Variants in DLGAP1 observed in about 807,000 individuals in gnomAD.
The protein encoded by DLGAP1 is DLG associated protein 1.
Under a neutral mutation model 90.8 loss-of-function variants are expected in DLGAP1, and 11 were observed. The ratio of observed to expected loss-of-function variants is 0.12; its 90% CI spans 0.08 to 0.20. The LOEUF (loss-of-function observed/expected upper bound fraction) is 0.20, where lower values mean the gene tolerates loss of function less well. DLGAP1 is among the 10% of genes least tolerant of loss of function. The pLI is 1.00. For synonymous variants in DLGAP1, 558 were observed against 540.7 expected (o/e 1.03, Z -0.44); for missense variants, 1,050 against 1,333.8 (o/e 0.79, Z 3.31).
chr18:4,050,393 T>C (rs2143059462), intron 2 of DLGAP1, among the ~76,000 whole-genome samples: 1 of 152,362 alleles, frequency 6.6e-6, no homozygotes, highest in Non-Finnish European at 1.5e-5. Flanking sequence ...CAGATATTAT[T>C]TGTTCTTCAG....
intron 1 of DLGAP1, chr18:4,280,887 T>C (rs1330025234): frequency 6.6e-6 from 1 of 152,252 alleles, no homozygotes; most frequent in African/African-American, 2.4e-5. Flanking sequence ...TTTTATGCTG[T>C]TGTTACTAAT....
intron 4 of DLGAP1, among the ~76,000 whole-genome samples, chr18:3,871,223 C>T: frequency 6.6e-6 from 1 of 152,166 alleles, no homozygotes; most frequent in East Asian, 1.9e-4. Flanking sequence ...TTTCAAAAAA[C>T]TAAATTGGAC....
chr18:3,545,310 G>T (rs1241779238), intron 9 of DLGAP1, among the ~76,000 whole-genome samples: 1 of 151,862 alleles, frequency 6.6e-6, no homozygotes, highest in African/African-American at 2.4e-5. Flanking sequence ...TGGAATCATA[G>T]AAAGATAATT....
chr18:4,102,222 TTAAG>T, intron 2 of DLGAP1, among the ~76,000 whole-genome samples: 1 of 152,224 alleles, frequency 6.6e-6, no homozygotes, highest in Admixed American at 6.5e-5. Flanking sequence ...ATTCTGGTGA[TTAAG>T]TATCTATTGT....
chr18:3,755,628 T>C (rs2063688403), intron 5 of DLGAP1, among the ~76,000 whole-genome samples: 1 of 152,168 alleles, frequency 6.6e-6, no homozygotes, highest in Non-Finnish European at 1.5e-5. Context: ...AATCTTACAA[T>C]TATAAACATA....
chr18:3,624,842 C>T (rs984980376), intron 7 of DLGAP1, among the ~76,000 whole-genome samples: 2 of 152,098 alleles, frequency 1.3e-5, no homozygotes, highest in Non-Finnish European at 1.5e-5. Flanking sequence ...CAAGAGCAAA[C>T]TAATCTAAAC....
chr18:3,684,479 T>C (rs749382436), intron 7 of DLGAP1, among the ~76,000 whole-genome samples: 5 of 151,528 alleles, frequency 3.3e-5, no homozygotes, highest in African/African-American at 4.9e-5. Flanking sequence ...GGATGAAAGA[T>C]GTGAGCCACC....
chr18:3,807,315 C>G (rs1407668902), intron 5 of DLGAP1, among the ~76,000 whole-genome samples: 1 of 152,176 alleles, frequency 6.6e-6, no homozygotes, highest in African/African-American at 2.4e-5. Flanking sequence ...TTTTAAATAG[C>G]TCATCACTGC....
At chr18:4,185,757 G>A (rs1183188048) in intron 1 of DLGAP1, among the ~76,000 whole-genome samples, 1 of 152,092 alleles carries the variant, frequency 6.6e-6, no homozygotes, top group Non-Finnish European at 1.5e-5. Flanking sequence ...TTGCATGCGT[G>A]GGTCTTTATG....
intron 2 of DLGAP1, among the ~76,000 whole-genome samples, chr18:4,111,090 C>T (rs1480796439): frequency 6.6e-6 from 1 of 152,164 alleles, no homozygotes; most frequent in Admixed American, 6.5e-5. Flanking sequence ...AAGCTGCCTT[C>T]CATTCCCAGT....
chr18:3,728,129 G>A (rs1311148245), intron 7 of DLGAP1, among the ~76,000 whole-genome samples: 9 of 152,020 alleles, frequency 5.9e-5, no homozygotes, highest in Admixed American at 5.9e-4. Context: ...CTAAAATGGA[G>A]TGATACAATA....
chr18:4,240,500 C>A (rs1465721083), intron 1 of DLGAP1, among the ~76,000 whole-genome samples: 1 of 152,106 alleles, frequency 6.6e-6, no homozygotes, highest in Non-Finnish European at 1.5e-5. Context: ...TAATTATAAT[C>A]TCTTGAAATC....
At chr18:3,744,240 G>A (rs1292633619) in intron 5 of DLGAP1, among the ~76,000 whole-genome samples, 5 of 152,064 alleles carry the variant, frequency 3.3e-5, no homozygotes, top group African/African-American at 9.7e-5. Flanking sequence ...GAAAAACCAT[G>A]AGAACTTTTA....
At chr18:4,099,325 A>T (rs938067518) in intron 2 of DLGAP1, among the ~76,000 whole-genome samples, 1 of 143,928 alleles carries the variant, frequency 6.9e-6, no homozygotes, top group Non-Finnish European at 1.5e-5. Flanking sequence ...CTATCTATCT[A>T]TCTATCTATC....
rs183233174 is a variant in DLGAP1, at chr18:4,445,398, T to C, written c.-267+9608A>G. Among the ~76,000 whole-genome samples, 709 of 151,274 alleles carry C rather than the reference T, an allele frequency of 4.7e-3. 3 individuals carry two copies. The highest frequency in any genetic ancestry group is 0.034 in the Middle Eastern group (10 of 290). On this transcript the variant is annotated intron_variant, in intron 1 of 12. Transcript: ENST00000315677. ...TGCCATGCTGGTGCGCTGCACCCAC[T>C]AACTCGTCATCTAGCATTAGGTATA...
At chr18:4,395,654 T>G (rs879215506) in intron 1 of DLGAP1, among the ~76,000 whole-genome samples, 1 of 152,220 alleles carries the variant, frequency 6.6e-6, no homozygotes, top group African/African-American at 2.4e-5. Context: ...ACACATCTTT[T>G]GAGAGCCAAA....
chr18:4,207,124 C>T (rs1460394679), intron 1 of DLGAP1, among the ~76,000 whole-genome samples: 1 of 152,094 alleles, frequency 6.6e-6, no homozygotes, highest in Non-Finnish European at 1.5e-5. Flanking sequence ...TGTTCTCACG[C>T]TGCTAATAAA....
chr18:4,392,559 A>C (rs2144440375), intron 1 of DLGAP1, among the ~76,000 whole-genome samples: 1 of 152,316 alleles, frequency 6.6e-6, no homozygotes, highest in Non-Finnish European at 1.5e-5. Context: ...ACTAGTTAAA[A>C]GAGAGTGCTG....
At position 4,033,070 on chromosome 18, in the gene DLGAP1, T is replaced by C. The variant is rs191852434; in HGVS notation, c.-158-27869A>G. On this transcript the variant is annotated intron_variant, in intron 2 of 12. Transcript: ENST00000315677. ...ATAAAATAGTCCTTAATCAATGATA[T>C]ATTTCCATTAGATTGGAAGGTACAA... Among the ~76,000 whole-genome samples the C allele has an allele frequency of 3.1e-3, 468 of 152,340 alleles. 4 individuals carry two copies. Among genetic ancestry groups the C allele is most frequent in the Admixed American group, 0.025 (386 of 15,296 alleles).
Sources: gnomAD v4.1 joint callset for allele counts (sites outside exome capture counted in the v4.1 genomes callset) on GRCh38, gnomAD v4.1.1 for gene constraint, MANE v1.5 for transcripts, NCBI Gene and HGNC (gene_info 2026-07-23, HGNC 2026-07-21) for gene names.